Variants in SPAG16 observed in about 807,000 individuals in gnomAD.
SPAG16 encodes the protein sperm-associated antigen 16 protein.
In SPAG16, 86 loss-of-function variants were observed where a neutral mutation model predicts 80.4. That is an observed-to-expected ratio of 1.07 (90% CI 0.90 to 1.28). The LOEUF (loss-of-function observed/expected upper bound fraction) is 1.28. SPAG16 is among the 50% of genes most tolerant of loss of function. The pLI, the probability that SPAG16 is intolerant of heterozygous loss-of-function variation, is 0.00. For missense variants in SPAG16, 870 were observed against 765.3 expected (o/e 1.14, Z -1.61); for synonymous variants, 294 against 265.9 (o/e 1.11, Z -1.03).
In SPAG16 at chr2:213,672,863, T is replaced by G. The variant is rs111833399; in HGVS notation, c.1070+182773T>G. On this transcript the variant is annotated intron_variant, in intron 10 of 15. Transcript: ENST00000331683. ...TTTGTTTGTTTTATTTTGTTTGTTT[T>G]TTTTTTTTTTTTTGAGACGGAGTCT... is the stretch of plus-strand genomic sequence containing the variant. Among the ~76,000 whole-genome samples the G allele has an allele frequency of 1.5e-3, 217 of 144,910 alleles. 2 individuals carry two copies. In the South Asian group the frequency reaches 0.015, roughly 10 times the overall value.
At chr2:213,909,117 C>G (rs1041018125) in intron 11 of SPAG16, among the ~76,000 whole-genome samples, 9 of 152,154 alleles carry the variant, frequency 5.9e-5, no homozygotes, top group Non-Finnish European at 1.0e-4. Context: ...TGAGTGAACT[C>G]ACATTCACAA....
intron 10 of SPAG16, among the ~76,000 whole-genome samples, chr2:213,621,525 A>G (rs373117094): frequency 6.6e-5 from 10 of 152,286 alleles, no homozygotes; most frequent in Non-Finnish European, 1.0e-4. Flanking sequence ...CGAAATATTG[A>G]TGGATGAGAC....
At chr2:213,701,457 C>T (rs186060088) in intron 10 of SPAG16, among the ~76,000 whole-genome samples, 17 of 152,260 alleles carry the variant, frequency 1.1e-4, no homozygotes, top group South Asian at 6.2e-4. Flanking sequence ...ACTCTGGCCA[C>T]GCTTGAGGAG....
chr2:213,819,009 G>A (rs1263427956), intron 10 of SPAG16, among the ~76,000 whole-genome samples: 2 of 151,512 alleles, frequency 1.3e-5, no homozygotes, highest in African/African-American at 4.8e-5. Flanking sequence ...ACCTGACTAA[G>A]TATTAAAAGT....
rs77781737 is a variant in SPAG16, at chr2:213,791,742, A to G, written c.1071-70743A>G. 5.2e-3 allele frequency among the ~76,000 whole-genome samples: 787 copies of G among 152,280 alleles called. 6 individuals are homozygous for G. Among genetic ancestry groups the G allele is most frequent in the African/African-American group, 0.017 (715 of 41,572 alleles). On this transcript the variant is annotated intron_variant, in intron 10 of 15. Transcript: ENST00000331683. ...TATTCTTCCAAAATATAAGTCAAGC[A>G]TGGTTAAGACAGGCCCTTATCATTT...
intron 10 of SPAG16, among the ~76,000 whole-genome samples, chr2:213,732,792 G>A (rs1239408298): frequency 6.6e-6 from 1 of 152,040 alleles, no homozygotes. Context: ...AAGCACTTAG[G>A]TTGAGTTCAT....
intron 13 of SPAG16, among the ~76,000 whole-genome samples, chr2:214,070,793 T>A (rs1328079172): frequency 2.0e-5 from 3 of 152,076 alleles, no homozygotes; most frequent in Non-Finnish European, 4.4e-5. Flanking sequence ...ATTAACACAT[T>A]ACTAATATTT....
At chr2:213,896,137 A>G (rs533623272) in intron 11 of SPAG16, among the ~76,000 whole-genome samples, 1 of 152,208 alleles carries the variant, frequency 6.6e-6, no homozygotes, top group East Asian at 1.9e-4. Flanking sequence ...TGGCAAACAG[A>G]CCTGAATAGA....
intron 9 of SPAG16, among the ~76,000 whole-genome samples, chr2:213,376,776 A>T (rs1399684218): frequency 2.0e-5 from 3 of 152,150 alleles, no homozygotes; most frequent in Non-Finnish European, 2.9e-5. Context: ...CTGTAAATTA[A>T]TACTAACATT....
intron 9 of SPAG16, among the ~76,000 whole-genome samples, chr2:213,411,043 A>G (rs339809): frequency 0.03 from 4,635 of 152,310 alleles, 229 homozygotes; most frequent in African/African-American, 0.1. Flanking sequence ...GAGCTTATCA[A>G]TCAGTTAGCC....
chr2:214,007,200 C>A (rs936588327), intron 12 of SPAG16, among the ~76,000 whole-genome samples: 4 of 151,864 alleles, frequency 2.6e-5, no homozygotes, highest in South Asian at 2.1e-4. Flanking sequence ...AATAAAACTG[C>A]AAATAAAAAT....
At chr2:213,825,620 G>A (rs2125704105) in intron 10 of SPAG16, among the ~76,000 whole-genome samples, 1 of 150,602 alleles carries the variant, frequency 6.6e-6, no homozygotes, top group Admixed American at 6.6e-5. Flanking sequence ...GTTGAATTTG[G>A]TTTGCTAGTA....
chr2:213,965,992 A>C (rs1016703604), intron 12 of SPAG16, among the ~76,000 whole-genome samples: 2 of 152,218 alleles, frequency 1.3e-5, no homozygotes, highest in Non-Finnish European at 2.9e-5. Flanking sequence ...CTGCATTCAG[A>C]GTATAGGTTC....
At chr2:214,279,276 T>A (rs1692714546) in intron 15 of SPAG16, among the ~76,000 whole-genome samples, 1 of 152,178 alleles carries the variant, frequency 6.6e-6, no homozygotes, top group African/African-American at 2.4e-5. Context: ...TTTGTATTTT[T>A]AGTAAAGACT....
At chr2:214,095,605 T>C (rs2052538724) in intron 13 of SPAG16, among the ~76,000 whole-genome samples, 2 of 152,152 alleles carry the variant, frequency 1.3e-5, no homozygotes, top group South Asian at 2.1e-4. Flanking sequence ...TCTGAATATG[T>C]GTTTTCATCC....
Position 213,364,102 on chromosome 2 carries a change from G to A in SPAG16, c.789G>A (p.Lys263=). The change falls in exon 8 of 16, where the codon AAG becomes AAA. Residue 263 remains lysine, a synonymous_variant. Transcript: ENST00000331683. ...GQISGLQETL[K]KLQRGHSYHG... ...TTTCTGGACTTCAAGAAACATTGAAGAAACTGCAAAGAGGACATAGTTACC... is the reference window on the plus strand; with the variant it reads ...TTTCTGGACTTCAAGAAACATTGAAAAAACTGCAAAGAGGACATAGTTACC... 1 of 1,522,300 alleles carries A rather than the reference G, an allele frequency of 6.6e-7. No individual in the cohort carries two copies. The highest frequency in any genetic ancestry group is 2.2e-5 in the Admixed American group (1 of 44,696). 94.3% of individuals were successfully genotyped at this position (1,522,300 alleles called of 1,614,324 possible).
intron 9 of SPAG16, among the ~76,000 whole-genome samples, chr2:213,426,857 ACACACACAC>A (rs1274897653): frequency 1.3e-5 from 2 of 150,900 alleles, no homozygotes; most frequent in Non-Finnish European, 3.0e-5. Context: ...ACACACACAC[ACACACACAC>A]ACACACACAC....
intron 10 of SPAG16, among the ~76,000 whole-genome samples, chr2:213,613,897 T>A (rs569355430): frequency 5.3e-5 from 8 of 152,212 alleles, no homozygotes; most frequent in African/African-American, 1.9e-4. Context: ...AAACTAAGAA[T>A]GGAAGTACTT....
chr2:213,727,591 T>C (rs540758113), intron 10 of SPAG16, among the ~76,000 whole-genome samples: 27 of 152,254 alleles, frequency 1.8e-4, no homozygotes, highest in African/African-American at 6.5e-4. Context: ...TGTTTCTACA[T>C]AGCAATTGCG....
Sources: gnomAD v4.1 joint callset for allele counts (sites outside exome capture counted in the v4.1 genomes callset) on GRCh38, gnomAD v4.1.1 for gene constraint, MANE v1.5 for transcripts, NCBI Gene and HGNC (gene_info 2026-07-23, HGNC 2026-07-21) for gene names.